UNC5C: variants seen among roughly 807,000 people sequenced by gnomAD.
The protein encoded by UNC5C is unc-5 netrin receptor C, also known as netrin receptor UNC5C.
A neutral mutation model predicts 99.8 loss-of-function variants in UNC5C; 47 were observed. That is an observed-to-expected ratio of 0.47 (90% CI 0.37 to 0.60). The LOEUF is 0.60. UNC5C is among the 20% of genes least tolerant of loss of function. The pLI is 0.00. For missense variants in UNC5C, 1,062 were observed against 1,165.9 expected, an observed-to-expected ratio of 0.91 and a Z score of 1.30; for synonymous variants, 487 against 452.2, an observed-to-expected ratio of 1.08 and a Z score of -0.98.
chr4:95,245,236 G>A, intron 5 of UNC5C, 92 bp from the exon 6 acceptor site: 1 of 1,345,354 alleles, frequency 7.4e-7, no homozygotes. Context: ...TGTAAACAAA[G>A]AGTTATTTTC....
intron 1 of UNC5C, among the ~76,000 whole-genome samples, chr4:95,377,231 A>T (rs1173307523): frequency 6.6e-6 from 1 of 152,204 alleles, no homozygotes; most frequent in Non-Finnish European, 1.5e-5. Context: ...TTTGTAATGA[A>T]CTACAGCCAA....
At position 95,431,997 on chromosome 4, in the gene UNC5C, G is replaced by C. The variant is rs371912755; in HGVS notation, c.125-96366C>G. Among the ~76,000 whole-genome samples the C allele has an allele frequency of 1.8e-4, 27 of 152,150 alleles. No individual in the cohort carries two copies. The South Asian group carries it at 4.2e-3, about 23-fold the overall frequency. On this transcript the variant is annotated intron_variant, in intron 1 of 15. Coordinates refer to ENST00000453304, the MANE Select transcript of UNC5C (RefSeq NM_003728.4). ...TCAAGCACAAGAACAGAAAGCCTAG[G>C]GAAACAAATGTAAGAGATGTAAAAG...
intron 1 of UNC5C, among the ~76,000 whole-genome samples, chr4:95,523,250 G>C (rs1357652293): frequency 6.6e-6 from 1 of 152,154 alleles, no homozygotes; most frequent in Non-Finnish European, 1.5e-5. Flanking sequence ...AGCAGCTCTT[G>C]CTTCAGTCAA....
intron 12 of UNC5C, among the ~76,000 whole-genome samples, chr4:95,192,666 C>T (rs1225644226): frequency 6.7e-6 from 1 of 148,392 alleles, no homozygotes; most frequent in Non-Finnish European, 1.5e-5. Flanking sequence ...ACCTCTTCCC[C>T]TGCTCACCTC....
intron 14 of UNC5C, among the ~76,000 whole-genome samples, chr4:95,178,330 C>G (rs997779089): frequency 6.6e-6 from 1 of 152,224 alleles, no homozygotes; most frequent in Non-Finnish European, 1.5e-5. Context: ...TGGGGCCCCC[C>G]TGGGCGAGCA....
intron 1 of UNC5C, among the ~76,000 whole-genome samples, chr4:95,405,166 GT>G (rs1227142309): frequency 5.9e-5 from 9 of 152,150 alleles, no homozygotes; most frequent in Admixed American, 1.3e-4. Flanking sequence ...CATTGAGCCC[GT>G]TAACATTCAA....
intron 14 of UNC5C, among the ~76,000 whole-genome samples, chr4:95,176,486 G>T (rs1560714185): frequency 6.6e-6 from 1 of 152,118 alleles, no homozygotes. Flanking sequence ...CTGCAGGTCT[G>T]TTGGAATACC....
At chr4:95,522,180 T>G (rs995153769) in intron 1 of UNC5C, among the ~76,000 whole-genome samples, 5 of 152,046 alleles carry the variant, frequency 3.3e-5, no homozygotes, top group Non-Finnish European at 7.4e-5. Context: ...TATTATTTAT[T>G]TCTATATATT....
At chr4:95,400,686 C>T (rs115349955) in intron 1 of UNC5C, among the ~76,000 whole-genome samples, 3,260 of 152,190 alleles carry the variant, frequency 0.021, 120 homozygotes, top group African/African-American at 0.074. Context: ...CCACCGCGCC[C>T]GGCCCACAAT....
At chr4:95,219,645 G>C (rs1376106212) in intron 8 of UNC5C, among the ~76,000 whole-genome samples, 1 of 152,028 alleles carries the variant, frequency 6.6e-6, no homozygotes, top group Non-Finnish European at 1.5e-5. Context: ...ACTGGATTTG[G>C]GTTCATTGGT....
At chr4:95,477,875 A>G (rs79081077) in intron 1 of UNC5C, among the ~76,000 whole-genome samples, 7 of 151,960 alleles carry the variant, frequency 4.6e-5, no homozygotes, top group African/African-American at 1.7e-4. Context: ...CTTGGGTTGG[A>G]ATTTCATCTC....
At chr4:95,304,574 CT>C (rs200604806) in intron 2 of UNC5C, among the ~76,000 whole-genome samples, 5,267 of 152,082 alleles carry the variant, frequency 0.035, 122 homozygotes, top group South Asian at 0.052. Context: ...CTCTCTCTCT[CT>C]TTTTTTCCCC....
intron 1 of UNC5C, among the ~76,000 whole-genome samples, chr4:95,465,144 G>T (rs1156666454): frequency 6.6e-6 from 1 of 152,076 alleles, no homozygotes; most frequent in Non-Finnish European, 1.5e-5. Context: ...TCACTTGCAG[G>T]CTATGTTAAG....
chr4:95,271,337 C>T (rs937174678), intron 4 of UNC5C, among the ~76,000 whole-genome samples: 1 of 152,104 alleles, frequency 6.6e-6, no homozygotes, highest in Non-Finnish European at 1.5e-5. Context: ...ACGCCATTCT[C>T]CTGCCTCAGC....
chr4:95,485,936 G>A (rs1042911279), intron 1 of UNC5C, among the ~76,000 whole-genome samples: 2 of 151,406 alleles, frequency 1.3e-5, no homozygotes, highest in Admixed American at 6.6e-5. Context: ...TAAGAATTAA[G>A]AACCCTGCGA....
At chr4:95,310,588 T>G (rs1275019586) in intron 2 of UNC5C, among the ~76,000 whole-genome samples, 3 of 152,312 alleles carry the variant, frequency 2.0e-5, no homozygotes, top group South Asian at 2.1e-4. Context: ...AGGCTAAATT[T>G]ATTCAAAAGT....
chr4:95,371,051 A>C (rs1262842821), intron 1 of UNC5C, among the ~76,000 whole-genome samples: 4 of 152,158 alleles, frequency 2.6e-5, no homozygotes, highest in Admixed American at 6.5e-5. Flanking sequence ...TATTTAAGAA[A>C]AGAGTAATGC....
intron 1 of UNC5C, among the ~76,000 whole-genome samples, chr4:95,454,765 T>C (rs1747381753): frequency 1.3e-5 from 2 of 152,124 alleles, no homozygotes. Context: ...AATGAGACTT[T>C]ATGACTCAAT....
chr4:95,260,754 C>T (rs1356889634), intron 4 of UNC5C, among the ~76,000 whole-genome samples: 1 of 152,000 alleles, frequency 6.6e-6, no homozygotes, highest in Non-Finnish European at 1.5e-5. Context: ...AGAGAGAGTT[C>T]AAAAGAAGAA....
Sources: gnomAD v4.1 joint callset for allele counts (sites outside exome capture counted in the v4.1 genomes callset) on GRCh38, gnomAD v4.1.1 for gene constraint, MANE v1.5 for transcripts, NCBI Gene and HGNC (gene_info 2026-07-23, HGNC 2026-07-21) for gene names.